Variants in ZMYM4 observed in about 807,000 individuals in gnomAD.
ZMYM4 encodes the protein zinc finger MYM-type protein 4.
Under a neutral mutation model 183.2 loss-of-function variants are expected in ZMYM4, and 31 were observed. The ratio of observed to expected loss-of-function variants is 0.17; its 90% CI spans 0.13 to 0.23. ZMYM4 has a LOEUF of 0.23. ZMYM4 is among the 10% of genes least tolerant of loss of function. ZMYM4 has a pLI of 1.00. For missense variants in ZMYM4, 1,273 were observed against 1,840.3 expected (o/e 0.69, Z 5.64); for synonymous variants, 592 against 631.2 (o/e 0.94, Z 0.93).
chr1:35,353,035 A>T (rs991960042), intron 2 of ZMYM4, among the ~76,000 whole-genome samples: 3 of 152,090 alleles, frequency 2.0e-5, no homozygotes, highest in African/African-American at 7.2e-5. Flanking sequence ...CAAATTATTC[A>T]TTCTCCCTCT....
chr1:35,385,604 T>C lies in ZMYM4; in HGVS notation c.1720+12T>C, dbSNP rs891020235. On this transcript the variant is annotated intron_variant, in intron 10 of 29. Transcript: ENST00000314607. Reference sequence around the variant, plus strand: ...GGTTACTTCTGCAGGTAATATTGGTTTCACAAACTATGAAATGCAATGGTT... The same window carrying C: ...GGTTACTTCTGCAGGTAATATTGGTCTCACAAACTATGAAATGCAATGGTT... 9 of 1,573,462 alleles carry C rather than the reference T, an allele frequency of 5.7e-6. No individual in the cohort carries two copies. Among genetic ancestry groups the C allele is most frequent in the Non-Finnish European group, 7.7e-6 (9 of 1,165,626 alleles).
chr1:35,347,870 A>G (rs1436542258), intron 2 of ZMYM4, among the ~76,000 whole-genome samples: 2 of 152,204 alleles, frequency 1.3e-5, no homozygotes, highest in Non-Finnish European at 1.5e-5. Flanking sequence ...CAAAAGTAAT[A>G]TGCTCTTTGA....
At chr1:35,309,958 A>T in intron 1 of ZMYM4, among the ~76,000 whole-genome samples, 1 of 132,938 alleles carries the variant, frequency 7.5e-6, no homozygotes, top group Admixed American at 8.4e-5. Context: ...ATGGAGTTTC[A>T]CTCTTGTCGC....
intron 1 of ZMYM4, among the ~76,000 whole-genome samples, chr1:35,280,694 T>G (rs1472193924): frequency 6.6e-6 from 1 of 152,200 alleles, no homozygotes; most frequent in East Asian, 1.9e-4. Flanking sequence ...CCTTGATTTG[T>G]GGTAGATTAC....
chr1:35,308,520 G>A (rs1278429743), intron 1 of ZMYM4, among the ~76,000 whole-genome samples: 1 of 152,092 alleles, frequency 6.6e-6, no homozygotes. Context: ...GTCTACTTTA[G>A]TGTTCCGCTT....
chr1:35,352,700 A>G (rs1643673761), intron 2 of ZMYM4, among the ~76,000 whole-genome samples: 1 of 152,162 alleles, frequency 6.6e-6, no homozygotes, highest in East Asian at 1.9e-4. Flanking sequence ...GTTAGCTTCT[A>G]TGACACCAGT....
chr1:35,381,798 C>T (rs1277949567), intron 9 of ZMYM4, 40 bp downstream of exon 9: 1 of 1,593,998 alleles, frequency 6.3e-7, no homozygotes, highest in African/African-American at 1.4e-5. Context: ...TTGTTCAGTT[C>T]AGGTAATCTG....
chr1:35,344,489 A>C (rs191657555), intron 2 of ZMYM4, among the ~76,000 whole-genome samples: 1 of 151,638 alleles, frequency 6.6e-6, no homozygotes, highest in African/African-American at 2.4e-5. Context: ...TTTTTTATAG[A>C]TGCCCTCTCT....
At chr1:35,364,880 T>C (rs1030585691) in intron 5 of ZMYM4, among the ~76,000 whole-genome samples, 7 of 152,226 alleles carry the variant, frequency 4.6e-5, no homozygotes, top group African/African-American at 1.7e-4. Context: ...AATGTGTGTG[T>C]ATGTATTTAA....
chr1:35,277,934 T>G (rs1225389618), intron 1 of ZMYM4, among the ~76,000 whole-genome samples: 1 of 152,208 alleles, frequency 6.6e-6, no homozygotes, highest in Non-Finnish European at 1.5e-5. Flanking sequence ...GTATCTTTGA[T>G]GATTGGCGGT....
intron 1 of ZMYM4, among the ~76,000 whole-genome samples, chr1:35,276,724 C>T (rs1639896670): frequency 6.6e-6 from 1 of 152,194 alleles, no homozygotes; most frequent in South Asian, 2.1e-4. Flanking sequence ...TTTCCTGCTT[C>T]AGCCTCCCGA....
At chr1:35,342,225 G>A (rs556612626) in intron 2 of ZMYM4, among the ~76,000 whole-genome samples, 70 of 152,196 alleles carry the variant, frequency 4.6e-4, no homozygotes, top group African/African-American at 1.6e-3. Context: ...CGCGACCTCA[G>A]CTCACTGCAG....
At position 35,268,835 on chromosome 1, in the gene ZMYM4, G is replaced by T; in HGVS notation, c.-212G>T. ...CGGCCCCCACCCCGTCCCCGGGCAG[G>T]CCCTCCCGCCCACGCGCGGACCCGT... On this transcript the variant is annotated 5_prime_UTR_variant, in exon 1 of 30. Coordinates refer to ENST00000314607, the MANE Select transcript of ZMYM4 (RefSeq NM_005095.3). 2 of 422,370 alleles carry T rather than the reference G, an allele frequency of 4.7e-6. No individual in the cohort carries two copies. The highest frequency in any genetic ancestry group is 7.8e-6 in the Non-Finnish European group (2 of 255,186). 26.2% of individuals were successfully genotyped at this position (422,370 alleles called of 1,614,324 possible). A position where few individuals can be genotyped will look rare whatever the true frequency, so the allele number is the denominator to read the frequency against.
chr1:35,287,696 C>T (rs1237009053), intron 1 of ZMYM4, among the ~76,000 whole-genome samples: 1 of 152,100 alleles, frequency 6.6e-6, no homozygotes, highest in East Asian at 1.9e-4. Flanking sequence ...ACCTCCATCT[C>T]CCGGGTTCAA....
chr1:35,327,009 G>A (rs1045144374), intron 2 of ZMYM4, among the ~76,000 whole-genome samples: 6 of 152,094 alleles, frequency 3.9e-5, no homozygotes, highest in African/African-American at 4.8e-5. Flanking sequence ...ACAGGCACAC[G>A]TCACCACTCC....
chr1:35,289,590 T>A (rs1425948980), intron 1 of ZMYM4, among the ~76,000 whole-genome samples: 1 of 152,214 alleles, frequency 6.6e-6, no homozygotes, highest in Non-Finnish European at 1.5e-5. Flanking sequence ...ACCTACAGTG[T>A]AGTCTGAATC....
At chr1:35,385,249 C>G (rs1481029814) in intron 9 of ZMYM4, among the ~76,000 whole-genome samples, 193 bp from the exon 10 acceptor site, 2 of 152,200 alleles carry the variant, frequency 1.3e-5, no homozygotes, top group Non-Finnish European at 2.9e-5. Context: ...TTATTACATA[C>G]ATGCATCATA....
chr1:35,390,946 C>T (rs140333107), intron 15 of ZMYM4, among the ~76,000 whole-genome samples: 7 of 152,104 alleles, frequency 4.6e-5, no homozygotes, highest in Non-Finnish European at 8.8e-5. Context: ...GGTGGGAGGA[C>T]GGCTTGAGGC....
rs1397776140 is a variant in ZMYM4, at chr1:35,388,916, A to G, written c.2270A>G (p.Lys757Arg). 2 of 1,613,216 alleles carry G rather than the reference A, an allele frequency of 1.2e-6. No individual in the cohort carries two copies. Among genetic ancestry groups the G allele is most frequent in the African/African-American group, 1.3e-5 (1 of 74,962 alleles). Residue 757 changes from lysine (K) to arginine (R), a missense_variant, in exon 14 of 30, where the codon AAA becomes AGA. Physicochemically the swap from Lys to Arg is conservative, Grantham distance 26 (BLOSUM62 2). Transcript: ENST00000314607. Reference protein sequence around the residue: ...ADKSFCSEGCKLLYKHDLAKR... With the variant: ...ADKSFCSEGCRLLYKHDLAKR... ...TATCTTTCCTGATTTTTAGGTTGCA[A>G]ATTGCTTTATAAACATGACTTGGCA...
Sources: allele counts gnomAD v4.1 joint callset (sites outside exome capture counted in the v4.1 genomes callset), GRCh38; gene constraint gnomAD v4.1.1; transcripts MANE v1.5; gene names NCBI Gene and HGNC (gene_info 2026-07-23, HGNC 2026-07-21).